Variants in CEP57L1 observed in about 807,000 individuals in gnomAD.
The protein encoded by CEP57L1 is centrosomal protein 57 like 1, also known as centrosomal protein CEP57L1.
A neutral mutation model predicts 61.0 loss-of-function variants in CEP57L1; 37 were observed. The observed-to-expected ratio is 0.61, with a 90% CI of 0.47 to 0.80. The LOEUF (loss-of-function observed/expected upper bound fraction) is 0.80, where lower values mean the gene tolerates loss of function less well. Among genes scored for constraint, CEP57L1 ranks in the 30% least tolerant of loss-of-function variants. The pLI is 0.00. For synonymous variants in CEP57L1, 137 were observed against 162.3 expected, an observed-to-expected ratio of 0.84 and a Z score of 1.19; for missense variants, 422 against 524.7, an observed-to-expected ratio of 0.80 and a Z score of 1.91.
At chr6:109,154,839 A>T (rs1017032956) in intron 5 of CEP57L1, among the ~76,000 whole-genome samples, 1 of 152,104 alleles carries the variant, frequency 6.6e-6, no homozygotes, top group Non-Finnish European at 1.5e-5. Flanking sequence ...CTCTTATCAC[A>T]TATATGCAAA....
At position 109,143,721 on chromosome 6, in the gene CEP57L1, A is replaced by G. The variant is rs78594795; in HGVS notation, c.-3-1498A>G. 5.1e-3 allele frequency among the ~76,000 whole-genome samples: 774 copies of G among 152,210 alleles called. 7 individuals are homozygous for G. Among genetic ancestry groups the G allele is most frequent in the African/African-American group, 0.018 (746 of 41,552 alleles). The stretch of plus-strand genomic sequence containing the variant: ...AATCCGGTTTGTGAAATAATATTAT[A>G]CTTAGGTCAGAGGAAGCAGAGACCT... On this transcript the variant is annotated intron_variant, in intron 1 of 10. Coordinates refer to ENST00000517392, the MANE Select transcript of CEP57L1 (RefSeq NM_001271852.3).
At chr6:109,136,700 T>TTTTTATTTTATTTTATTTTA (rs557844549) in intron 1 of CEP57L1, among the ~76,000 whole-genome samples, 103 of 115,854 alleles carry the variant, frequency 8.9e-4, no homozygotes, top group African/African-American at 3.0e-3. Context: ...GAAACTTGTA[T>TTTTTATTTTATTTTATTTTA]TTTTATTTTA....
At chr6:109,096,834 T>TCTA (rs1370033476) in intron 1 of CEP57L1, among the ~76,000 whole-genome samples, 6 of 152,172 alleles carry the variant, frequency 3.9e-5, no homozygotes, top group Non-Finnish European at 8.8e-5. Flanking sequence ...CCATAAAGGG[T>TCTA]CGGGTAGTTT....
Position 109,160,450 on chromosome 6 carries a change from T to G in CEP57L1, c.1017-122T>G. On this transcript the variant is annotated intron_variant, in intron 9 of 10. Coordinates refer to ENST00000517392, the MANE Select transcript of CEP57L1 (RefSeq NM_001271852.3). ...AATTAACCCTAAAGAAAGAGGCTGTTTTTAAAGGTTAATATTTAACTCTGA... is the reference window on the plus strand; with the variant it reads ...AATTAACCCTAAAGAAAGAGGCTGTGTTTAAAGGTTAATATTTAACTCTGA... The G allele has an allele frequency of 4.2e-6, 3 of 709,040 alleles. No individual in the cohort carries two copies. In the South Asian group the frequency reaches 5.8e-5, roughly 14 times the overall value. 43.9% of individuals were successfully genotyped at this position (709,040 alleles called of 1,614,324 possible). A position where few individuals can be genotyped will look rare whatever the true frequency, so the allele number is the denominator to read the frequency against.
At chr6:109,123,710 A>G (rs1389180267) in intron 1 of CEP57L1, among the ~76,000 whole-genome samples, 2 of 152,140 alleles carry the variant, frequency 1.3e-5, no homozygotes, top group African/African-American at 4.8e-5. Flanking sequence ...TATGAATTTG[A>G]CATCCTAATT....
At chr6:109,142,929 T>G (rs1268091563) in intron 1 of CEP57L1, among the ~76,000 whole-genome samples, 1 of 126,252 alleles carries the variant, frequency 7.9e-6, no homozygotes, top group South Asian at 2.6e-4. Context: ...TTCTCACTCT[T>G]GTTCACTGTC....
chr6:109,114,828 ATAGC>A lies in CEP57L1; in HGVS notation c.-4+19256_-4+19259del, dbSNP rs149327821. ...GTGACTATAGTTATTATATTTCAAA[ATAGC>A]TAAAAGAGATAATTTTAAATATCTC... is the stretch of plus-strand genomic sequence containing the variant. On this transcript the variant is annotated intron_variant, in intron 1 of 10. Coordinates refer to ENST00000517392, the MANE Select transcript of CEP57L1 (RefSeq NM_001271852.3). Among the ~76,000 whole-genome samples the A allele has an allele frequency of 3.4e-3, 522 of 152,270 alleles. 1 individual carries two copies. Among genetic ancestry groups the A allele is most frequent in the African/African-American group, 0.01 (421 of 41,540 alleles).
intron 3 of CEP57L1, among the ~76,000 whole-genome samples, chr6:109,148,168 G>A (rs969911082): frequency 6.6e-6 from 1 of 151,806 alleles, no homozygotes; most frequent in Admixed American, 6.6e-5. Context: ...TGCACAATGT[G>A]CAGGTTAGTT....
intron 1 of CEP57L1, among the ~76,000 whole-genome samples, chr6:109,104,917 T>C (rs1202629694): frequency 6.6e-6 from 1 of 152,148 alleles, no homozygotes; most frequent in African/African-American, 2.4e-5. Context: ...TTTTTTTCAA[T>C]CTAATGGGTG....
rs1049786145 is a variant in CEP57L1 at position 109,165,809 on chromosome 6, A to G, written c.*2839A>G. The stretch of plus-strand genomic sequence containing the variant: ...GTGGAGCAAAAGATTTCTTTCCTGG[A>G]TGGAGCAGTCAGTCTATGGTCAGTG... On this transcript the variant is annotated 3_prime_UTR_variant, in exon 11 of 11. Coordinates refer to ENST00000517392, the MANE Select transcript of CEP57L1 (RefSeq NM_001271852.3). 6.6e-6 allele frequency: 1 copy of G among 152,212 alleles called. No individual in the cohort carries two copies. The highest frequency in any genetic ancestry group is 1.5e-5 in the Non-Finnish European group (1 of 68,042). The allele number at this position is 152,212 out of a possible 1,614,324, so 9.4% of individuals were successfully genotyped here.
chr6:109,124,710 T>G (rs775597232), intron 1 of CEP57L1, among the ~76,000 whole-genome samples: 4 of 152,218 alleles, frequency 2.6e-5, no homozygotes, highest in Non-Finnish European at 5.9e-5. Context: ...TCTCTCACTT[T>G]CTTTTGCTTG....
chr6:109,144,051 G>C (rs1285188342), intron 1 of CEP57L1, among the ~76,000 whole-genome samples: 3 of 152,100 alleles, frequency 2.0e-5, no homozygotes, highest in Non-Finnish European at 4.4e-5. Context: ...GAGATAGCTG[G>C]TACTAATCAC....
At chr6:109,114,805 G>A (rs1284693683) in intron 1 of CEP57L1, among the ~76,000 whole-genome samples, 1 of 152,056 alleles carries the variant, frequency 6.6e-6, no homozygotes, top group Non-Finnish European at 1.5e-5. Context: ...ACTGCAAGGT[G>A]ACTATAGTTA....
rs746408831 is a variant in CEP57L1 at position 109,155,771 on chromosome 6, CT to C, written c.658-12del. 4.7e-5 allele frequency: 61 copies of C among 1,292,680 alleles called. No homozygotes were observed. Among genetic ancestry groups the C allele is most frequent in the Non-Finnish European group, 5.8e-5 (52 of 903,774 alleles). The allele number at this position is 1,292,680 out of a possible 1,614,324, so 80.1% of individuals were successfully genotyped here. On this transcript the variant is annotated intron_variant, in intron 6 of 10. Transcript: ENST00000517392. ...GCATGTTACAAATCAATGTTATAAC[CT>C]TTTTTTTAAATATTACAGCTTCAAA...
At chr6:109,141,122 G>A (rs1217931124) in intron 1 of CEP57L1, among the ~76,000 whole-genome samples, 1 of 151,662 alleles carries the variant, frequency 6.6e-6, no homozygotes, top group African/African-American at 2.4e-5. Context: ...GAGCCACCGC[G>A]CCCAGCTGCG....
intron 1 of CEP57L1, among the ~76,000 whole-genome samples, chr6:109,115,900 A>T (rs145771760): frequency 1.1e-3 from 167 of 152,248 alleles, no homozygotes; most frequent in African/African-American, 3.7e-3. Context: ...TGTTAAGTTG[A>T]TATTTTTAGA....
At chr6:109,114,447 G>A (rs965707737) in intron 1 of CEP57L1, among the ~76,000 whole-genome samples, 10 of 151,542 alleles carry the variant, frequency 6.6e-5, no homozygotes, top group African/African-American at 1.9e-4. Flanking sequence ...TGTATATTTT[G>A]GGTGTTAGCC....
Position 109,122,245 on chromosome 6 carries a change from A to G in CEP57L1, c.-3-22974A>G, listed in dbSNP as rs551460283. Among the ~76,000 whole-genome samples the G allele has an allele frequency of 3.9e-5, 6 of 152,280 alleles. No homozygotes were observed. In the South Asian group the frequency reaches 6.2e-4, roughly 16 times the overall value. On this transcript the variant is annotated intron_variant, in intron 1 of 10. Transcript: ENST00000517392. ...GGTTTTGACCCCACTGGTTATATGAATTCAGACTGCAAAGCTAGGTGAATA... is the reference window on the plus strand; with the variant it reads ...GGTTTTGACCCCACTGGTTATATGAGTTCAGACTGCAAAGCTAGGTGAATA...
intron 1 of CEP57L1, among the ~76,000 whole-genome samples, chr6:109,130,396 G>T (rs954622132): frequency 6.7e-6 from 1 of 148,916 alleles, no homozygotes; most frequent in Non-Finnish European, 1.5e-5. Context: ...CAAAATTGAA[G>T]CCTCTGTCAG....
Sources: allele counts gnomAD v4.1 joint callset (sites outside exome capture counted in the v4.1 genomes callset), GRCh38; gene constraint gnomAD v4.1.1; transcripts MANE v1.5; gene names NCBI Gene and HGNC (gene_info 2026-07-23, HGNC 2026-07-21).